Variants in ABCF2 observed in about 807,000 individuals in gnomAD.
ABCF2 encodes ATP binding cassette subfamily F member 2.
Under a neutral mutation model 76.9 loss-of-function variants are expected in ABCF2, and 37 were observed. The ratio of observed to expected loss-of-function variants is 0.48; its 90% CI spans 0.37 to 0.63. The LOEUF (loss-of-function observed/expected upper bound fraction) is 0.63, where lower values mean the gene tolerates loss of function less well. Among genes scored for constraint, ABCF2 ranks in the 30% least tolerant of loss-of-function variants. The pLI is 0.00. For synonymous variants in ABCF2, 299 were observed against 283.7 expected, an observed-to-expected ratio of 1.05 and a Z score of -0.54; for missense variants, 524 against 782.1, an observed-to-expected ratio of 0.67 and a Z score of 3.94.
In ABCF2 at chr7:151,215,906, C is replaced by A. The variant is rs148937498; in HGVS notation, c.1401+61G>T. 239 of 1,593,906 alleles carry A rather than the reference C, an allele frequency of 1.5e-4. No homozygotes were observed. The African/African-American group carries it at 2.5e-3, about 16-fold the overall frequency. ...GTGGGGGCGGCTGGCTGGAACTCAG[C>A]CAGATACAGCCCCTCCCTATACCCT... On this transcript the variant is annotated intron_variant, in intron 12 of 14. Coordinates refer to ENST00000287844, the MANE Select transcript of ABCF2 (RefSeq NM_007189.3). This position sits in a 1 kb window ranked among gnomAD's most constrained non-coding sequence, Gnocchi z 4.6.
chr7:151,217,748 G>A (rs1248252991), intron 11 of ABCF2, among the ~76,000 whole-genome samples: 4 of 70,480 alleles, frequency 5.7e-5, no homozygotes, highest in Admixed American at 1.7e-4. Flanking sequence ...AGCTGAGATC[G>A]CACATTGCAC....
intron 2 of ABCF2, among the ~76,000 whole-genome samples, chr7:151,225,225 A>G (rs1802348833): frequency 6.6e-6 from 1 of 152,208 alleles, no homozygotes; most frequent in Non-Finnish European, 1.5e-5. Flanking sequence ...TACTGTGGCC[A>G]GGAATAAAAC....
chr7:151,224,137 G>A (rs751689499), intron 3 of ABCF2, 23 bp from the exon 4 acceptor site: 24 of 1,613,044 alleles, frequency 1.5e-5, no homozygotes, highest in African/African-American at 8.0e-5. Flanking sequence ...AGCAGCAGAC[G>A]CTTGGTACAG....
chr7:151,224,175 AG>A, intron 3 of ABCF2, 61 bp from the exon 4 acceptor site: 1 of 1,539,124 alleles, frequency 6.5e-7, no homozygotes. Flanking sequence ...CTTCACCACT[AG>A]TTCTTCCACC....
intron 11 of ABCF2, among the ~76,000 whole-genome samples, chr7:151,216,306 T>C (rs1802149103): frequency 6.6e-6 from 1 of 152,206 alleles, no homozygotes; most frequent in Admixed American, 6.5e-5. Flanking sequence ...TGGATGTAGG[T>C]GCAACATACA....
At position 151,214,209 on chromosome 7, in the gene ABCF2, G is replaced by T. The variant is rs1451266572; in HGVS notation, c.1735-18C>A. 1 of 1,614,058 alleles carries T rather than the reference G, an allele frequency of 6.2e-7. No homozygotes were observed. ...TGTGCAACCTAGAAAGCAAAACCTG[G>T]ACTTAATCCTGGGCTAGTCACTGTC... is the stretch of plus-strand genomic sequence containing the variant. On this transcript the variant is annotated intron_variant, in intron 14 of 14. Transcript: ENST00000287844. The surrounding 1 kb of genome is among the most constrained non-coding windows in gnomAD (Gnocchi z 4.9).
chr7:151,215,552 A>T lies in ABCF2; in HGVS notation c.1530+52T>A. The T allele has an allele frequency of 1.9e-6, 3 of 1,608,196 alleles. No individual in the cohort carries two copies. The highest frequency in any genetic ancestry group is 2.5e-6 in the Non-Finnish European group (3 of 1,177,294). On this transcript the variant is annotated intron_variant, in intron 13 of 14. Transcript: ENST00000287844. The surrounding 1 kb of genome is among the most constrained non-coding windows in gnomAD (Gnocchi z 4.6). The stretch of plus-strand genomic sequence containing the variant: ...CAGGACAGTATCCCCTGACCCACCC[A>T]GCCACAGTCTGCCAGCTATCTGGCA...
intron 6 of ABCF2, 75 bp from the exon 7 acceptor site, chr7:151,221,755 G>C (rs1802272977): frequency 8.9e-7 from 1 of 1,117,332 alleles, no homozygotes; most frequent in Admixed American, 1.7e-5. Flanking sequence ...CTGAAAGTCA[G>C]GCCCATCCTC....
chr7:151,225,030 A>T, intron 2 of ABCF2, 42 bp from the exon 3 acceptor site: 1 of 1,577,570 alleles, frequency 6.3e-7, no homozygotes, highest in Non-Finnish European at 8.7e-7. Flanking sequence ...CGTGAGACAG[A>T]CTCGGCTCTC....
rs773099889 is a variant in ABCF2, at chr7:151,222,513, C to T, written c.818+8G>A. 13 of 1,612,030 alleles carry T rather than the reference C, an allele frequency of 8.1e-6. No homozygotes were observed. In the Admixed American group the frequency reaches 8.3e-5, roughly 10 times the overall value. ...TGCCCGCTCACATCCCCCATTCCAC[C>T]CTCTTACGTTTTTAGTTCTTCTTCC... On this transcript the variant is annotated splice_region_variant and intron_variant, in intron 6 of 14. Transcript: ENST00000287844.
chr7:151,226,521 AC>A, intron 1 of ABCF2, 21 bp from the exon 2 acceptor site: 2 of 1,539,938 alleles, frequency 1.3e-6, no homozygotes, highest in Non-Finnish European at 1.8e-6. Flanking sequence ...GCAAACAGAT[AC>A]CCCCAAACCC....
At position 151,214,069 on chromosome 7, in the gene ABCF2, C is replaced by T. The variant is rs1056717; in HGVS notation, c.1857G>A (p.Arg619=). 95 of 1,613,860 alleles carry T rather than the reference C, an allele frequency of 5.9e-5. No homozygotes were observed. The highest frequency in any genetic ancestry group is 7.5e-5 in the Non-Finnish European group (88 of 1,179,998). ...GGTAGAGGGCTCACACGTTGTGGGT[C>T]CTCTTGGTGAGCTGGGGCTCCTCAT... ...LVDEEPQLTK[R]THNV The change falls in exon 15 of 15, where the codon AGG becomes AGA. Residue 619 remains arginine, a synonymous_variant. Transcript: ENST00000287844. This position sits in a 1 kb window ranked among gnomAD's most constrained non-coding sequence, Gnocchi z 4.9.
At position 151,212,298 on chromosome 7, in the gene ABCF2, G is replaced by A; in HGVS notation, c.*1756C>T. 1 of 985,246 alleles carries A rather than the reference G, an allele frequency of 1.0e-6. No individual in the cohort carries two copies. Among genetic ancestry groups the A allele is most frequent in the Non-Finnish European group, 1.2e-6 (1 of 829,936 alleles). The allele number at this position is 985,246 out of a possible 1,614,324, so 61.0% of individuals were successfully genotyped here. ...TTGAAGTTCAAAAGACCCAGATAAG[G>A]TATGCAGAGCCCTGGGCTGGAAGTG... is the stretch of plus-strand genomic sequence containing the variant. On this transcript the variant is annotated 3_prime_UTR_variant, in exon 15 of 15. Coordinates refer to ENST00000287844, the MANE Select transcript of ABCF2 (RefSeq NM_007189.3).
chr7:151,218,087 A>T lies in ABCF2; in HGVS notation c.1332T>A (p.Thr444=). The change falls in exon 11 of 15, where the codon ACT becomes ACA. Residue 444 remains threonine (T), a synonymous_variant. Coordinates refer to ENST00000287844, the MANE Select transcript of ABCF2 (RefSeq NM_007189.3). Reference sequence around the variant, plus strand: ...GCCCACCTTGGCACCATACCTCTCCAGTTAGCAGCTTCAGAAGAGTTGACT... The same window carrying T: ...GCCCACCTTGGCACCATACCTCTCCTGTTAGCAGCTTCAGAAGAGTTGACT... ...AGKSTLLKLL[T]GELLPTDGMI... 6.2e-7 allele frequency: 1 copy of T among 1,612,432 alleles called. No individual in the cohort carries two copies. The highest frequency in any genetic ancestry group is 8.5e-7 in the Non-Finnish European group (1 of 1,178,402).
chr7:151,218,919 A>G, intron 8 of ABCF2, 46 bp from the exon 9 acceptor site: 1 of 1,610,516 alleles, frequency 6.2e-7, no homozygotes, highest in Non-Finnish European at 8.5e-7. Flanking sequence ...GGCGCTCAAC[A>G]ATTCATCTTC....
chr7:151,218,789 C>T lies in ABCF2; in HGVS notation c.1102G>A (p.Ala368Thr), dbSNP rs1420632007. ...SKEKTLQKMM[A>T]SGLTERVVSD... ...ACGACCCTCTCTGTCAGTCCTGATGCCATCATTTTCTGTAGCGTCTTCTCC... is the reference window on the plus strand; with the variant it reads ...ACGACCCTCTCTGTCAGTCCTGATGTCATCATTTTCTGTAGCGTCTTCTCC... The change falls in exon 9 of 15, where the codon GCA (alanine) becomes ACA (threonine). Residue 368 changes from alanine to threonine, a missense_variant. Ala to Thr is a moderately conservative substitution (Grantham distance 58). Coordinates refer to ENST00000287844, the MANE Select transcript of ABCF2 (RefSeq NM_007189.3). 2 of 1,613,770 alleles carry T rather than the reference C, an allele frequency of 1.2e-6. No individual in the cohort carries two copies. The highest frequency in any genetic ancestry group is 1.7e-5 in the Admixed American group (1 of 59,974).
Position 151,213,120 on chromosome 7 carries a change from A to G in ABCF2, c.*934T>C. 1 of 985,430 alleles carries G rather than the reference A, an allele frequency of 1.0e-6. No homozygotes were observed. The allele number at this position is 985,430 out of a possible 1,614,324, so 61.0% of individuals were successfully genotyped here. On this transcript the variant is annotated 3_prime_UTR_variant, in exon 15 of 15. Transcript: ENST00000287844. ...CAGTTGGGGCAGAACCTCAGATCAC[A>G]ATCAGAAAACCACGCTCCTGGACAG...
At position 151,215,636 on chromosome 7, in the gene ABCF2, T is replaced by C. The variant is rs142657395; in HGVS notation, c.1498A>G (p.Ile500Val). ...IKEKEEMRKI[I>V]GRYGLTGKQQ... Reference sequence around the variant, plus strand: ...TTCCCAGTGAGACCGTATCGCCCAATGATCTTCCTCATTTCTTCCTTCTCC... The same window carrying C: ...TTCCCAGTGAGACCGTATCGCCCAACGATCTTCCTCATTTCTTCCTTCTCC... The change falls in exon 13 of 15, where the codon ATT (isoleucine) becomes GTT (valine). Residue 500 changes from isoleucine (I) to valine (V), a missense_variant. By Grantham distance (29) the Ile-to-Val change is conservative. This residue lies in a region of ABCF2 where 194 missense variants were observed against 348.6 expected (regional missense o/e 0.56). Transcript: ENST00000287844. The surrounding 1 kb of genome is among the most constrained non-coding windows in gnomAD (Gnocchi z 4.6). 7 of 1,614,132 alleles carry C rather than the reference T, an allele frequency of 4.3e-6. No homozygotes were observed. Among genetic ancestry groups the C allele is most frequent in the Non-Finnish European group, 1.7e-6 (2 of 1,180,022 alleles).
intron 7 of ABCF2, among the ~76,000 whole-genome samples, chr7:151,219,963 G>T (rs918763542): frequency 3.5e-4 from 54 of 152,290 alleles, no homozygotes; most frequent in African/African-American, 1.3e-3. Context: ...GCTGGGTATG[G>T]TGGCATGTGC....
Sources: gnomAD v4.1 joint callset for allele counts (sites outside exome capture counted in the v4.1 genomes callset) on GRCh38, gnomAD v4.1.1 for gene constraint, gnomAD v4.1.1 regional missense constraint, Gnocchi (gnomAD v3.1) non-coding constraint, MANE v1.5 for transcripts, NCBI Gene and HGNC (gene_info 2026-07-23, HGNC 2026-07-21) for gene names.